The following TACC2 variants were observed in gnomAD, a reference collection of about 807,000 sequenced individuals.
TACC2 encodes the protein transforming acidic coiled-coil-containing protein 2.
A neutral mutation model predicts 227.3 loss-of-function variants in TACC2; 137 were observed. That is an observed-to-expected ratio of 0.60 (90% CI 0.52 to 0.69). The LOEUF (loss-of-function observed/expected upper bound fraction) is 0.69. TACC2 is among the 30% of genes least tolerant of loss of function. The pLI is 0.00. For missense variants in TACC2, 3,470 were observed against 3,694.4 expected (o/e 0.94, Z 1.57); for synonymous variants, 1,523 against 1,487.5 (o/e 1.02, Z -0.55).
chr10:122,052,283 C>T (rs143624762), intron 3 of TACC2: 1 of 152,082 alleles, frequency 6.6e-6, no homozygotes, highest in Non-Finnish European at 1.5e-5. Context: ...GGGAATTGCT[C>T]GAGGCCTGTG....
chr10:122,142,328 G>A (rs969763252), intron 6 of TACC2, among the ~76,000 whole-genome samples: 5 of 152,246 alleles, frequency 3.3e-5, no homozygotes, highest in African/African-American at 4.8e-5. Context: ...CCAGGGTTGC[G>A]ATCCTGCGGT....
rs558195360 is a variant in TACC2 at position 122,194,745 on chromosome 10, G to A, written c.5835-295G>A. On this transcript the variant is annotated intron_variant, in intron 7 of 22. Transcript: ENST00000369005. This position sits in a 1 kb window ranked among gnomAD's most constrained non-coding sequence, Gnocchi z 4.4. ...TTTGAATCAATACCTAATAATGAAC[G>A]CGTGCGGAAGTTCATCCAGAGTCCG... 4.6e-5 allele frequency among the ~76,000 whole-genome samples: 7 copies of A among 152,262 alleles called. No homozygotes were observed. In the East Asian group the frequency reaches 1.2e-3, roughly 25 times the overall value.
intron 15 of TACC2, 70 bp from the exon 16 acceptor site, chr10:122,230,281 C>T: frequency 1.5e-6 from 2 of 1,330,558 alleles, no homozygotes; most frequent in Non-Finnish European, 2.2e-6. Context: ...GTTCATTTCT[C>T]GGATGTGGAA....
At chr10:122,159,292 G>A (rs560143590) in intron 7 of TACC2, among the ~76,000 whole-genome samples, 3 of 152,318 alleles carry the variant, frequency 2.0e-5, no homozygotes, top group Non-Finnish European at 2.9e-5. Flanking sequence ...TGAGTGATGC[G>A]GCAGTGTGTC....
At chr10:121,992,036 A>G (rs1335071809) in intron 1 of TACC2, among the ~76,000 whole-genome samples, 1 of 152,204 alleles carries the variant, frequency 6.6e-6, no homozygotes, top group African/African-American at 2.4e-5. Flanking sequence ...CCCATGATTC[A>G]ATTACCTCCC....
chr10:122,226,566 A>G, intron 13 of TACC2, 85 bp downstream of exon 13: 7 of 938,702 alleles, frequency 7.5e-6, no homozygotes, highest in East Asian at 2.7e-5. Flanking sequence ...TTTTGACTTC[A>G]TTTCAGTGCA....
rs199785683 is a variant in TACC2, at chr10:122,087,375, A to G, written c.4875A>G (p.Gly1625=). The change falls in exon 4 of 23, where the codon GGA becomes GGG. Residue 1625 remains glycine, a synonymous_variant. Transcript: ENST00000369005. ...ACTTTGCTCACACAGGGGTTCCAGG[A>G]CATGTGCCAAGGTCCACGTGTGCCC... ...PGDFAHTGVP[G]HVPRSTCAPS... The G allele has an allele frequency of 4.3e-6, 7 of 1,614,062 alleles. No individual in the cohort carries two copies. The highest frequency in any genetic ancestry group is 5.9e-6 in the Non-Finnish European group (7 of 1,180,032).
intron 3 of TACC2, among the ~76,000 whole-genome samples, chr10:122,080,169 C>T (rs2079284439): frequency 6.6e-6 from 1 of 151,284 alleles, no homozygotes; most frequent in Non-Finnish European, 1.5e-5. Context: ...TCTCACATAG[C>T]TTTTCCTTTG....
At chr10:122,075,700 T>A (rs1324259212) in intron 3 of TACC2, among the ~76,000 whole-genome samples, 1 of 151,696 alleles carries the variant, frequency 6.6e-6, no homozygotes, top group African/African-American at 2.4e-5. Context: ...TTTATTTGAG[T>A]TGGCAGTTCT....
intron 3 of TACC2, among the ~76,000 whole-genome samples, chr10:122,073,092 G>A (rs1267911753): frequency 1.8e-5 from 2 of 112,804 alleles, no homozygotes; most frequent in Admixed American, 2.4e-4. Flanking sequence ...CAGCCTGGGT[G>A]ACAGACTCTG....
At chr10:122,184,200 C>T (rs1175888413) in intron 7 of TACC2, among the ~76,000 whole-genome samples, 1 of 152,154 alleles carries the variant, frequency 6.6e-6, no homozygotes, top group Non-Finnish European at 1.5e-5. Context: ...ATCGGAAGGA[C>T]ACTTGGTGAG....
Position 122,124,254 on chromosome 10 carries a change from C to G in TACC2, c.5574-8355C>G, listed in dbSNP as rs537792228. On this transcript the variant is annotated intron_variant, in intron 5 of 22. Coordinates refer to ENST00000369005, the MANE Select transcript of TACC2 (RefSeq NM_206862.4). ...TCTTTGTTCTTCATGTCCCTTCCCTCTGCACCTAGTGTCAGGTAGATGTCA... is the reference window on the plus strand; with the variant it reads ...TCTTTGTTCTTCATGTCCCTTCCCTGTGCACCTAGTGTCAGGTAGATGTCA... 4.6e-5 allele frequency among the ~76,000 whole-genome samples: 7 copies of G among 152,328 alleles called. No homozygotes were observed. In the East Asian group the frequency reaches 1.4e-3, roughly 29 times the overall value.
At chr10:122,038,973 G>A (rs1196077575) in intron 2 of TACC2, among the ~76,000 whole-genome samples, 4 of 152,016 alleles carry the variant, frequency 2.6e-5, no homozygotes, top group Non-Finnish European at 5.9e-5. Context: ...TGTGTTTTTT[G>A]CTTTTTTTCT....
chr10:122,057,384 C>T (rs1405322930), intron 3 of TACC2, among the ~76,000 whole-genome samples: 1 of 151,980 alleles, frequency 6.6e-6, no homozygotes, highest in Non-Finnish European at 1.5e-5. Flanking sequence ...CCACAGAACC[C>T]GGTGACTGCC....
chr10:122,222,267 CA>C (rs1173283774), intron 11 of TACC2, among the ~76,000 whole-genome samples: 2 of 152,170 alleles, frequency 1.3e-5, no homozygotes, highest in Non-Finnish European at 2.9e-5. Flanking sequence ...AAACCAAGTT[CA>C]GGAAGATGTT....
intron 7 of TACC2, among the ~76,000 whole-genome samples, chr10:122,155,331 C>G (rs889583748): frequency 6.6e-6 from 1 of 152,172 alleles, no homozygotes; most frequent in Non-Finnish European, 1.5e-5. Flanking sequence ...GCCTTTTATT[C>G]CTAGTACAAA....
chr10:122,108,242 G>A (rs1297051333), intron 5 of TACC2, among the ~76,000 whole-genome samples: 1 of 151,840 alleles, frequency 6.6e-6, no homozygotes, highest in Non-Finnish European at 1.5e-5. Flanking sequence ...TCCCACTTAT[G>A]AATGAGAACA....
At chr10:122,231,871 G>A (rs2095757019) in intron 16 of TACC2, among the ~76,000 whole-genome samples, 1 of 152,198 alleles carries the variant, frequency 6.6e-6, no homozygotes, top group South Asian at 2.1e-4. Flanking sequence ...GGGAGCCCCT[G>A]GCCTGCCTGC....
At chr10:122,042,734 C>T (rs2074459782) in intron 2 of TACC2, among the ~76,000 whole-genome samples, 2 of 152,162 alleles carry the variant, frequency 1.3e-5, no homozygotes, top group Non-Finnish European at 2.9e-5. Flanking sequence ...AGATACGGTA[C>T]TCGAGGTGTA....
Sources: allele counts gnomAD v4.1 joint callset (sites outside exome capture counted in the v4.1 genomes callset), GRCh38; gene constraint gnomAD v4.1.1; non-coding constraint Gnocchi (gnomAD v3.1); transcripts MANE v1.5; gene names NCBI Gene and HGNC (gene_info 2026-07-23, HGNC 2026-07-21).